The following CHODL variants were observed in gnomAD, a reference collection of about 807,000 sequenced individuals.
CHODL encodes chondrolectin.
CHODL carries 29 observed loss-of-function variants against 34.5 expected under a neutral mutation model. The ratio of observed to expected loss-of-function variants is 0.84; its 90% CI spans 0.63 to 1.15. The LOEUF (loss-of-function observed/expected upper bound fraction) is 1.15, where lower values mean the gene tolerates loss of function less well. Ranked by LOEUF, CHODL falls within the 50% of genes most tolerant of loss-of-function variation. CHODL has a pLI of 0.00. For missense variants in CHODL, 332 were observed against 332.5 expected (o/e 1.00, Z 0.01); for synonymous variants, 125 against 116.1 (o/e 1.08, Z -0.49).
intron 1 of CHODL, among the ~76,000 whole-genome samples, chr21:17,973,038 G>A (rs975163403): frequency 6.6e-6 from 1 of 152,120 alleles, no homozygotes; most frequent in African/African-American, 2.4e-5. Flanking sequence ...ACAAGCAATG[G>A]GGAAAGAATT....
chr21:18,054,301 A>G (rs2064552973), intron 2 of CHODL, among the ~76,000 whole-genome samples: 2 of 151,990 alleles, frequency 1.3e-5, no homozygotes, highest in Admixed American at 1.3e-4. Context: ...TCAAGACCAC[A>G]TGCAAATTCT....
chr21:17,973,542 A>C (rs532495904), intron 1 of CHODL, among the ~76,000 whole-genome samples: 51 of 148,914 alleles, frequency 3.4e-4, no homozygotes, highest in Non-Finnish European at 6.2e-4. Context: ...TCAGCCTCCC[A>C]AGTAGCTGGG....
intron 2 of CHODL, among the ~76,000 whole-genome samples, chr21:18,232,969 A>ATG (rs1311099324): frequency 1.4e-5 from 2 of 138,958 alleles, no homozygotes; most frequent in East Asian, 3.9e-4. Context: ...ATATATATAT[A>ATG]TATGTATATA....
chr21:18,101,486 T>C (rs1476773179), intron 2 of CHODL, among the ~76,000 whole-genome samples: 1 of 152,170 alleles, frequency 6.6e-6, no homozygotes, highest in African/African-American at 2.4e-5. Context: ...CTTAAGTCAG[T>C]TGTAGAAACT....
chr21:18,245,149 T>TC lies in CHODL; in HGVS notation c.-74dup. The TC allele has an allele frequency of 7.9e-7, 1 of 1,269,824 alleles. No homozygotes were observed. The highest frequency in any genetic ancestry group is 1.1e-6 in the Non-Finnish European group (1 of 944,518). 78.7% of individuals were successfully genotyped at this position (1,269,824 alleles called of 1,614,324 possible). A position where few individuals can be genotyped will look rare whatever the true frequency, so the allele number is the denominator to read the frequency against. ...GCAGGGAGGCAGGGAGGCTGCAGAG[T>TC]CAGAGTCGCGGGCTGCGCCCTGGGC... On this transcript the variant is annotated 5_prime_UTR_variant, in exon 1 of 6. Transcript: ENST00000299295.
At chr21:18,232,632 G>A (rs1027396199) in intron 2 of CHODL, among the ~76,000 whole-genome samples, 5 of 151,984 alleles carry the variant, frequency 3.3e-5, no homozygotes, top group Admixed American at 1.3e-4. Flanking sequence ...ACATTCAGAC[G>A]ATAGCAGTAT....
At chr21:18,023,764 A>T (rs553317344) in intron 1 of CHODL, among the ~76,000 whole-genome samples, 2 of 152,222 alleles carry the variant, frequency 1.3e-5, no homozygotes, top group African/African-American at 2.4e-5. Flanking sequence ...TGATCTACAA[A>T]ATGTAAATAT....
At chr21:18,091,462 C>A (rs544465168) in intron 2 of CHODL, among the ~76,000 whole-genome samples, 1 of 152,320 alleles carries the variant, frequency 6.6e-6, no homozygotes, top group South Asian at 2.1e-4. Flanking sequence ...TCCCTTGCTT[C>A]TGCTTAAGGA....
At chr21:17,959,123 A>C (rs889077825) in intron 1 of CHODL, among the ~76,000 whole-genome samples, 1 of 152,178 alleles carries the variant, frequency 6.6e-6, no homozygotes, top group Non-Finnish European at 1.5e-5. Context: ...CATAGTTCAC[A>C]AAAAGTGGCC....
At chr21:18,045,140 C>T (rs2064426436) in intron 2 of CHODL, among the ~76,000 whole-genome samples, 1 of 151,944 alleles carries the variant, frequency 6.6e-6, no homozygotes, top group Non-Finnish European at 1.5e-5. Flanking sequence ...AATATCTGAT[C>T]TGGGACCTGA....
intron 1 of CHODL, among the ~76,000 whole-genome samples, chr21:17,996,930 T>G (rs1323858432): frequency 6.6e-6 from 1 of 152,164 alleles, no homozygotes; most frequent in African/African-American, 2.4e-5. Context: ...GATTAGAGAA[T>G]TTTTATTAGC....
intron 2 of CHODL, among the ~76,000 whole-genome samples, chr21:18,072,851 T>C (rs1386071782): frequency 6.6e-6 from 1 of 152,186 alleles, no homozygotes; most frequent in Non-Finnish European, 1.5e-5. Flanking sequence ...GTTTTCTTTT[T>C]TCTATATTCA....
intron 1 of CHODL, among the ~76,000 whole-genome samples, chr21:17,941,538 T>C (rs1261991494): frequency 6.6e-6 from 1 of 150,620 alleles, no homozygotes; most frequent in Non-Finnish European, 1.5e-5. Flanking sequence ...AAAGGGAACA[T>C]TGACTAGTAT....
chr21:17,954,262 C>T lies in CHODL; in HGVS notation c.-145+36862C>T, dbSNP rs192319511. Among the ~76,000 whole-genome samples the T allele has an allele frequency of 2.1e-4, 32 of 152,072 alleles. 1 individual carries two copies. The highest frequency in any genetic ancestry group is 7.2e-4 in the African/African-American group (30 of 41,478). ...ATATACAAGAAAACTTCAAAATACA[C>T]GATGTAAAAGGTGTCAGAAATAAAG... On this transcript the variant is annotated intron_variant, in intron 1 of 6. Transcript: ENST00000400127.
chr21:17,988,455 A>T (rs1158928128), intron 1 of CHODL, among the ~76,000 whole-genome samples: 1 of 138,566 alleles, frequency 7.2e-6, no homozygotes, highest in East Asian at 2.1e-4. Flanking sequence ...TGTGCAGGTT[A>T]GTTACATATG....
In CHODL at chr21:18,089,220, C is replaced by G. The variant is rs376345551; in HGVS notation, c.-45+61249C>G. The stretch of plus-strand genomic sequence containing the variant: ...CTTCCTTTTCAAATCTTTTGTTTAT[C>G]CTGTTCTTACAGTTAGCAGTTTCCT... On this transcript the variant is annotated intron_variant, in intron 2 of 6. Coordinates refer to the CHODL transcript ENST00000400127. Among the ~76,000 whole-genome samples the G allele has an allele frequency of 3.3e-5, 5 of 152,260 alleles. No individual in the cohort carries two copies. In the East Asian group the frequency reaches 5.8e-4, roughly 18 times the overall value.
intron 1 of CHODL, among the ~76,000 whole-genome samples, chr21:18,019,559 G>A (rs2064108489): frequency 6.6e-6 from 1 of 152,014 alleles, no homozygotes; most frequent in South Asian, 2.1e-4. Context: ...TACATTGTAT[G>A]CCTGTATCAA....
At chr21:18,048,267 A>G (rs1160757878) in intron 2 of CHODL, among the ~76,000 whole-genome samples, 4 of 151,934 alleles carry the variant, frequency 2.6e-5, no homozygotes, top group Non-Finnish European at 4.4e-5. Context: ...GTTATGAAGG[A>G]ATTTCAATGT....
intron 2 of CHODL, among the ~76,000 whole-genome samples, chr21:18,166,218 T>C (rs1436752974): frequency 6.6e-6 from 1 of 152,194 alleles, no homozygotes; most frequent in East Asian, 1.9e-4. Flanking sequence ...GATCTGCCTA[T>C]AGCTCCTTGC....
Sources: gnomAD v4.1 joint callset for allele counts (sites outside exome capture counted in the v4.1 genomes callset) on GRCh38, gnomAD v4.1.1 for gene constraint, MANE v1.5 for transcripts, NCBI Gene and HGNC (gene_info 2026-07-23, HGNC 2026-07-21) for gene names.